The following NPAS3 variants were observed in gnomAD, a reference collection of about 807,000 sequenced individuals.
NPAS3 encodes the protein neuronal PAS domain-containing protein 3.
In NPAS3, 14 loss-of-function variants were observed where a neutral mutation model predicts 73.1. That is an observed-to-expected ratio of 0.19 (90% CI 0.13 to 0.30). The LOEUF (loss-of-function observed/expected upper bound fraction) is 0.30. Among genes scored for constraint, NPAS3 ranks in the 10% least tolerant of loss-of-function variants. NPAS3 has a pLI of 1.00. For synonymous variants in NPAS3, 620 were observed against 541.5 expected (o/e 1.14, Z -2.01); for missense variants, 1,096 against 1,250.0 (o/e 0.88, Z 1.86).
At chr14:33,337,366 T>C (rs1173229114) in intron 3 of NPAS3, among the ~76,000 whole-genome samples, 1 of 152,100 alleles carries the variant, frequency 6.6e-6, no homozygotes, top group African/African-American at 2.4e-5. Flanking sequence ...TTCTATTGAG[T>C]AGCCTTGACA....
chr14:33,377,711 T>C (rs950650084), intron 4 of NPAS3, among the ~76,000 whole-genome samples: 14 of 152,144 alleles, frequency 9.2e-5, no homozygotes, highest in Non-Finnish European at 1.8e-4. Context: ...GGAAGCAGTT[T>C]GAGGTAACAT....
At chr14:33,027,493 G>A (rs147031623) in intron 1 of NPAS3, among the ~76,000 whole-genome samples, 1 of 152,090 alleles carries the variant, frequency 6.6e-6, no homozygotes, top group Admixed American at 6.5e-5. Context: ...TACTTACTCA[G>A]ATTAGGTTAA....
intron 2 of NPAS3, among the ~76,000 whole-genome samples, chr14:33,203,674 AGT>A (rs1245790637): frequency 2.6e-5 from 4 of 152,302 alleles, no homozygotes; most frequent in African/African-American, 9.6e-5. Flanking sequence ...ATGGCTGCAC[AGT>A]ATTCCATGGT....
chr14:33,088,244 C>A (rs576535370), intron 2 of NPAS3, among the ~76,000 whole-genome samples: 1 of 151,738 alleles, frequency 6.6e-6, no homozygotes, highest in Admixed American at 6.5e-5. Flanking sequence ...AGAGGCATCA[C>A]CTCACCCAGG....
At chr14:33,351,751 C>G (rs867259157) in intron 3 of NPAS3, among the ~76,000 whole-genome samples, 1 of 152,082 alleles carries the variant, frequency 6.6e-6, no homozygotes, top group African/African-American at 2.4e-5. Flanking sequence ...ATAAATGTTG[C>G]TATTATTCCA....
chr14:33,396,826 ATATAT>A (rs148442053), intron 4 of NPAS3, among the ~76,000 whole-genome samples: 14,507 of 152,158 alleles, frequency 0.095, 862 homozygotes, highest in Admixed American at 0.2. Flanking sequence ...CAATGTGTAC[ATATAT>A]TATATCTGTC....
chr14:33,200,261 T>C (rs2046564188), intron 2 of NPAS3, among the ~76,000 whole-genome samples: 1 of 151,526 alleles, frequency 6.6e-6, no homozygotes, highest in Non-Finnish European at 1.5e-5. Flanking sequence ...AGACATATAA[T>C]TATTTTCCAC....
intron 6 of NPAS3, among the ~76,000 whole-genome samples, chr14:33,693,939 T>A (rs7151113): frequency 6.6e-6 from 1 of 152,010 alleles, no homozygotes; most frequent in East Asian, 1.9e-4. Flanking sequence ...CGGACCTGCG[T>A]ACCTCTGACT....
intron 4 of NPAS3, among the ~76,000 whole-genome samples, chr14:33,449,961 T>G (rs1384913442): frequency 2.6e-5 from 4 of 152,176 alleles, no homozygotes; most frequent in Non-Finnish European, 5.9e-5. Flanking sequence ...CAGAGGCAAG[T>G]CAGAAAATTA....
chr14:33,416,294 C>G (rs2138969442), intron 4 of NPAS3, among the ~76,000 whole-genome samples: 1 of 152,038 alleles, frequency 6.6e-6, no homozygotes, highest in African/African-American at 2.4e-5. Context: ...CTGGAGATCT[C>G]TAAAGGGAAA....
At chr14:33,473,295 T>G (rs1463908466) in intron 4 of NPAS3, among the ~76,000 whole-genome samples, 2 of 152,094 alleles carry the variant, frequency 1.3e-5, no homozygotes, top group African/African-American at 2.4e-5. Flanking sequence ...TGAGTCTAAA[T>G]CCTCTGTCAG....
chr14:33,748,874 A>G (rs1433471091), intron 7 of NPAS3, among the ~76,000 whole-genome samples: 5 of 152,178 alleles, frequency 3.3e-5, no homozygotes, highest in African/African-American at 1.2e-4. Context: ...ATTTCTGGGA[A>G]GAGGGGAATT....
At chr14:33,014,974 C>T (rs1243552290) in intron 1 of NPAS3, among the ~76,000 whole-genome samples, 4 of 152,162 alleles carry the variant, frequency 2.6e-5, no homozygotes, top group East Asian at 1.9e-4. Flanking sequence ...GACTCTTACT[C>T]GGTACACTCC....
At chr14:33,427,229 C>A (rs1308245230) in intron 4 of NPAS3, among the ~76,000 whole-genome samples, 2 of 151,980 alleles carry the variant, frequency 1.3e-5, no homozygotes, top group Admixed American at 1.3e-4. Context: ...GAAGACGATT[C>A]TCTGCTTATA....
intron 6 of NPAS3, among the ~76,000 whole-genome samples, chr14:33,707,715 A>G (rs117915283): frequency 6.4e-4 from 98 of 152,340 alleles, no homozygotes; most frequent in Non-Finnish European, 1.2e-3. Flanking sequence ...AGAAGGAAGA[A>G]TAAATTCAAA....
chr14:33,393,940 T>C (rs2047114278), intron 4 of NPAS3, among the ~76,000 whole-genome samples: 1 of 152,200 alleles, frequency 6.6e-6, no homozygotes, highest in South Asian at 2.1e-4. Context: ...ATATTATTAC[T>C]TGCCACTTCC....
At chr14:33,578,187 AC>A (rs2056519903) in intron 5 of NPAS3, 3 of 452,614 alleles carry the variant, frequency 6.6e-6, no homozygotes, top group South Asian at 3.1e-5. Flanking sequence ...AACTACCAAC[AC>A]CTTTGTTTTT....
chr14:33,706,651 T>C (rs549496286), intron 6 of NPAS3, among the ~76,000 whole-genome samples: 1 of 152,270 alleles, frequency 6.6e-6, no homozygotes, highest in South Asian at 2.1e-4. Context: ...TTCAAAGTAT[T>C]ATATTACTTT....
intron 4 of NPAS3, among the ~76,000 whole-genome samples, chr14:33,483,463 A>G (rs74637691): frequency 1.2e-4 from 18 of 152,286 alleles, no homozygotes; most frequent in African/African-American, 4.3e-4. Flanking sequence ...AATGCGTCTG[A>G]TCTCTCCCAC....
Sources: gnomAD v4.1 joint callset for allele counts (sites outside exome capture counted in the v4.1 genomes callset) on GRCh38, gnomAD v4.1.1 for gene constraint, MANE v1.5 for transcripts, NCBI Gene and HGNC (gene_info 2026-07-23, HGNC 2026-07-21) for gene names.